The following NXPE3 variants were observed in gnomAD, a reference collection of about 807,000 sequenced individuals.
NXPE3 encodes neurexophilin and PC-esterase domain family member 3, also known as NXPE family member 3.
In NXPE3, 26 loss-of-function variants were observed where a neutral mutation model predicts 46.1. That is an observed-to-expected ratio of 0.56 (90% confidence interval 0.41 to 0.78). The LOEUF is 0.78. Ranked by LOEUF, NXPE3 falls within the 30% of genes least tolerant of loss-of-function variation. The pLI is 0.00. For synonymous variants in NXPE3, 272 were observed against 257.9 expected (o/e 1.05, Z -0.52); for missense variants, 620 against 686.0 (o/e 0.90, Z 1.07).
intron 4 of NXPE3, among the ~76,000 whole-genome samples, chr3:101,787,366 G>A (rs1369639918): frequency 6.6e-6 from 1 of 152,186 alleles, no homozygotes; most frequent in African/African-American, 2.4e-5. Context: ...GAGTGCAATG[G>A]CACGATCTTG....
intron 7 of NXPE3, among the ~76,000 whole-genome samples, chr3:101,820,405 G>A (rs187288368): frequency 5.5e-4 from 84 of 152,290 alleles, no homozygotes; most frequent in Non-Finnish European, 1.1e-3. Context: ...CAGAGAAAAG[G>A]TAACAATTAT....
intron 4 of NXPE3, among the ~76,000 whole-genome samples, chr3:101,785,910 G>T (rs1940148167): frequency 6.6e-6 from 1 of 152,046 alleles, no homozygotes; most frequent in African/African-American, 2.4e-5. Context: ...TCTTTCTAGT[G>T]CTCACATAAT....
In NXPE3 at chr3:101,808,818, GATATAT is replaced by G. The variant is rs58006464; in HGVS notation, c.922+1725_922+1730del. Reference sequence around the variant, plus strand: ...ACCAAATGAATTACTAATTTTAGAGGATATATATATATATATATATATATATATATA... The same window carrying G: ...ACCAAATGAATTACTAATTTTAGAGGATATATATATATATATATATATATA... On this transcript the variant is annotated intron_variant, in intron 6 of 7. Coordinates refer to ENST00000273347, the MANE Select transcript of NXPE3 (RefSeq NM_145037.4). 9.5e-3 allele frequency among the ~76,000 whole-genome samples: 294 copies of G among 30,804 alleles called. 10 individuals are homozygous for G. Among genetic ancestry groups the G allele is most frequent in the South Asian group, 0.028 (15 of 540 alleles). The allele number at this position is 30,804 out of a possible 152,430, so 20.2% of individuals were successfully genotyped here. A position where few individuals can be genotyped will look rare whatever the true frequency, so the allele number is the denominator to read the frequency against.
At chr3:101,810,932 C>G (rs11712888) in intron 6 of NXPE3, among the ~76,000 whole-genome samples, 45,427 of 151,764 alleles carry the variant, frequency 0.3, 7,097 homozygotes, top group Non-Finnish European at 0.34. Context: ...TGTGTTCAAG[C>G]GATTCTCGTG....
intron 4 of NXPE3, among the ~76,000 whole-genome samples, chr3:101,799,187 G>C (rs1339930036): frequency 6.6e-6 from 1 of 151,944 alleles, no homozygotes; most frequent in Non-Finnish European, 1.5e-5. Flanking sequence ...CAGTTCTTCT[G>C]CTTCAGCCTC....
Position 101,821,868 on chromosome 3 carries a change from C to G in NXPE3, c.1594C>G (p.Leu532Val). The change falls in exon 8 of 8, where the codon CTA becomes GTA. Residue 532 changes from leucine (L) to valine (V), a missense_variant. Around this residue, in one of 3 missense-constraint regions of NXPE3, gnomAD observed 34 missense variants for 36.2 expected, o/e 0.94. Transcript: ENST00000273347. ...DAWEMTLAHY[L>V]PHKLHPDEVI... ...CTGGGAGATGACCCTGGCCCATTATCTACCGCACAAGCTGCATCCAGATGA... is the reference window on the plus strand; with the variant it reads ...CTGGGAGATGACCCTGGCCCATTATGTACCGCACAAGCTGCATCCAGATGA... The G allele has an allele frequency of 6.2e-7, 1 of 1,614,184 alleles. No homozygotes were observed.
intron 7 of NXPE3, among the ~76,000 whole-genome samples, chr3:101,820,589 C>T (rs1380850664): frequency 6.6e-6 from 1 of 152,142 alleles, no homozygotes; most frequent in Non-Finnish European, 1.5e-5. Flanking sequence ...ATGTTCATTG[C>T]AGCGCTGTTC....
At chr3:101,791,822 G>C (rs1366171324) in intron 4 of NXPE3, among the ~76,000 whole-genome samples, 2 of 150,794 alleles carry the variant, frequency 1.3e-5, no homozygotes, top group Non-Finnish European at 3.0e-5. Flanking sequence ...TAAGATTGCT[G>C]GTGGAATCGT....
chr3:101,796,346 G>A (rs531675344), intron 4 of NXPE3, among the ~76,000 whole-genome samples: 3 of 152,306 alleles, frequency 2.0e-5, no homozygotes, highest in African/African-American at 7.2e-5. Context: ...AAAAGATGGC[G>A]GGTGTGAAGT....
At chr3:101,798,122 T>G (rs1221602780) in intron 4 of NXPE3, among the ~76,000 whole-genome samples, 1 of 149,406 alleles carries the variant, frequency 6.7e-6, no homozygotes, top group African/African-American at 2.5e-5. Context: ...CCATTCTAAC[T>G]GGTGTGAGAT....
In NXPE3 at chr3:101,816,940, G is replaced by A. The variant is rs372759301; in HGVS notation, c.1068G>A (p.Val356=). The change falls in exon 7 of 8, where the codon GTG becomes GTA. Residue 356 remains valine (V), a synonymous_variant. Coordinates refer to ENST00000273347, the MANE Select transcript of NXPE3 (RefSeq NM_145037.4). ...NITECLQRKV[V]HLFGDSTIRQ... is the part of the protein sequence containing the mutation. Reference sequence around the variant, plus strand: ...CAGAGTGCTTACAAAGAAAAGTGGTGCATTTATTTGGTGACTCAACAATCA... The same window carrying A: ...CAGAGTGCTTACAAAGAAAAGTGGTACATTTATTTGGTGACTCAACAATCA... 167 of 1,613,996 alleles carry A rather than the reference G, an allele frequency of 1.0e-4. No homozygotes were observed. The highest frequency in any genetic ancestry group is 1.4e-4 in the Non-Finnish European group (162 of 1,180,008).
chr3:101,803,962 T>C (rs1467992142), intron 5 of NXPE3, among the ~76,000 whole-genome samples: 1 of 152,226 alleles, frequency 6.6e-6, no homozygotes. Context: ...GGATACATCC[T>C]AGTTGCACAT....
In NXPE3 at chr3:101,821,394, C is replaced by G; in HGVS notation, c.1130-10C>G. On this transcript the variant is annotated splice_polypyrimidine_tract_variant and intron_variant, in intron 7 of 7. Transcript: ENST00000273347. ...AAGGTTTTTATGAACTTGAGTTTTCCTTGTTTCAGATTTAGTGGAGTTTAA... is the reference window on the plus strand; with the variant it reads ...AAGGTTTTTATGAACTTGAGTTTTCGTTGTTTCAGATTTAGTGGAGTTTAA... 6.2e-7 allele frequency: 1 copy of G among 1,604,470 alleles called. No homozygotes were observed. The highest frequency in any genetic ancestry group is 1.1e-5 in the South Asian group (1 of 90,884).
At chr3:101,804,194 G>C (rs1312693171) in intron 5 of NXPE3, among the ~76,000 whole-genome samples, 1 of 152,178 alleles carries the variant, frequency 6.6e-6, no homozygotes, top group East Asian at 1.9e-4. Flanking sequence ...TAGCAAAGAG[G>C]AAGAAACATA....
chr3:101,817,811 A>G (rs529216468), intron 7 of NXPE3, among the ~76,000 whole-genome samples: 35 of 152,262 alleles, frequency 2.3e-4, no homozygotes, highest in African/African-American at 7.7e-4. Context: ...AAGGCTTTTA[A>G]TAAAGTAAAG....
Position 101,801,261 on chromosome 3 carries a change from C to T in NXPE3, c.120C>T (p.Ala40=), listed in dbSNP as rs1941123461. ...VEYLDHETVS[A]TFIDSSGQFV... is the part of the protein sequence containing the mutation. Reference sequence around the variant, plus strand: ...ACTTGGACCATGAGACTGTTTCAGCCACTTTCATCGACAGCAGTGGACAGT... The same window carrying T: ...ACTTGGACCATGAGACTGTTTCAGCTACTTTCATCGACAGCAGTGGACAGT... The change falls in exon 5 of 8, where the codon GCC becomes GCT. Residue 40 remains alanine (A), a synonymous_variant. Coordinates refer to ENST00000273347, the MANE Select transcript of NXPE3 (RefSeq NM_145037.4). 1.2e-6 allele frequency: 2 copies of T among 1,612,756 alleles called. No individual in the cohort carries two copies. The highest frequency in any genetic ancestry group is 1.7e-6 in the Non-Finnish European group (2 of 1,179,306).
At chr3:101,812,511 A>G (rs1489142889) in intron 6 of NXPE3, among the ~76,000 whole-genome samples, 3 of 152,132 alleles carry the variant, frequency 2.0e-5, no homozygotes, top group Admixed American at 2.0e-4. Flanking sequence ...TGCTTTCTTC[A>G]TCTTTAAAAG....
intron 4 of NXPE3, among the ~76,000 whole-genome samples, chr3:101,798,394 T>C (rs1303801596): frequency 3.9e-5 from 6 of 151,984 alleles, no homozygotes; most frequent in Non-Finnish European, 7.4e-5. Flanking sequence ...TTAATTTTTC[T>C]TTCTTTTAAG....
Position 101,798,717 on chromosome 3 carries a change from A to G in NXPE3, c.94-2518A>G, listed in dbSNP as rs535333275. Among the ~76,000 whole-genome samples, 9 of 151,408 alleles carry G rather than the reference A, an allele frequency of 5.9e-5. No homozygotes were observed. In the East Asian group the frequency reaches 1.2e-3, roughly 20 times the overall value. On this transcript the variant is annotated intron_variant, in intron 4 of 7. Coordinates refer to ENST00000273347, the MANE Select transcript of NXPE3 (RefSeq NM_145037.4). ...AACCTCTGCCTCCTGGGTTCAAGCA[A>G]TTCTCGTGCTTCAGCCTCCTGAGTA...
Sources: allele counts gnomAD v4.1 joint callset (sites outside exome capture counted in the v4.1 genomes callset), GRCh38; gene constraint gnomAD v4.1.1; regional missense constraint gnomAD v4.1.1; transcripts MANE v1.5; gene names NCBI Gene and HGNC (gene_info 2026-07-23, HGNC 2026-07-21).